The following NAV2 variants were observed in gnomAD, a reference collection of about 807,000 sequenced individuals.
The protein encoded by NAV2 is neuron navigator 2.
In NAV2, 54 loss-of-function variants were observed where a neutral mutation model predicts 223.2. The ratio of observed to expected loss-of-function variants is 0.24; its 90% CI spans 0.19 to 0.30. The LOEUF is 0.30. NAV2 is among the 10% of genes least tolerant of loss of function. The pLI is 1.00. For missense variants in NAV2, 2,806 were observed against 3,147.5 expected (o/e 0.89, Z 2.60); for synonymous variants, 1,279 against 1,239.3 (o/e 1.03, Z -0.67).
chr11:19,399,372 G>C (rs1849592403), intron 1 of NAV2, among the ~76,000 whole-genome samples: 1 of 152,172 alleles, frequency 6.6e-6, no homozygotes, highest in Non-Finnish European at 1.5e-5. Flanking sequence ...AGTAATGCAG[G>C]CGCCTTCCTT....
chr11:19,777,803 C>T (rs1449134713), intron 1 of NAV2: 1 of 451,580 alleles, frequency 2.2e-6, no homozygotes, highest in Admixed American at 2.4e-5. Flanking sequence ...TCCTGGAGCT[C>T]TCTTGGATTG....
At chr11:19,484,348 C>T (rs893779949) in intron 1 of NAV2, among the ~76,000 whole-genome samples, 1 of 152,188 alleles carries the variant, frequency 6.6e-6, no homozygotes, top group Admixed American at 6.5e-5. Flanking sequence ...GGGAGGTCAC[C>T]TCCTCCAAGG....
chr11:19,501,331 A>C (rs1029570666), intron 1 of NAV2, among the ~76,000 whole-genome samples: 1 of 152,160 alleles, frequency 6.6e-6, no homozygotes, highest in African/African-American at 2.4e-5. Flanking sequence ...TTATCTTTGC[A>C]GGACCACTAT....
chr11:19,939,971 G>A (rs1591338065), intron 8 of NAV2, among the ~76,000 whole-genome samples, 198 bp downstream of exon 8: 2 of 146,984 alleles, frequency 1.4e-5, no homozygotes, highest in East Asian at 2.0e-4. Context: ...CCCTCTTACA[G>A]TTTCTTCCCT....
At chr11:20,031,511 A>G (rs1451375853) in intron 11 of NAV2, among the ~76,000 whole-genome samples, 2 of 152,210 alleles carry the variant, frequency 1.3e-5, no homozygotes, top group African/African-American at 4.8e-5. Flanking sequence ...ATGCCAAGTG[A>G]CAAAAAGCAA....
intron 19 of NAV2, among the ~76,000 whole-genome samples, chr11:20,058,267 A>T (rs1017743190): frequency 6.6e-6 from 1 of 152,218 alleles, no homozygotes; most frequent in Non-Finnish European, 1.5e-5. Flanking sequence ...CAGAATAGAA[A>T]TTTAGGAAGA....
Position 19,948,987 on chromosome 11 carries a change from T to C in NAV2, c.2552T>C (p.Met851Thr). The C allele has an allele frequency of 1.2e-6, 2 of 1,613,858 alleles. No individual in the cohort carries two copies. The highest frequency in any genetic ancestry group is 2.2e-5 in the South Asian group (2 of 91,074). Residue 851 changes from methionine to threonine, a missense_variant, in exon 10 of 38, where the codon ATG becomes ACG. Physicochemically the swap from Met to Thr is moderately conservative, Grantham distance 81. Coordinates refer to ENST00000349880, the MANE Select transcript of NAV2 (RefSeq NM_145117.5). ...VDVSDKAGDEMDLEGISMDAP... is the reference protein window; with the variant it reads ...VDVSDKAGDETDLEGISMDAP... ...GTCTCAGACAAGGCAGGAGATGAGATGGACCTGGAAGGCATCAGCATGGAT... is the reference window on the plus strand; with the variant it reads ...GTCTCAGACAAGGCAGGAGATGAGACGGACCTGGAAGGCATCAGCATGGAT...
chr11:19,881,052 T>C (rs2063173545), intron 5 of NAV2, among the ~76,000 whole-genome samples: 1 of 152,214 alleles, frequency 6.6e-6, no homozygotes. Context: ...CCAGCATTAA[T>C]AATCATAAGG....
chr11:19,382,478 C>T (rs1848880528), intron 1 of NAV2, among the ~76,000 whole-genome samples: 1 of 152,162 alleles, frequency 6.6e-6, no homozygotes, highest in African/African-American at 2.4e-5. Flanking sequence ...CAGCTCGCTC[C>T]AGCCAGATGC....
chr11:20,083,216 C>G (rs763338994), intron 26 of NAV2, 37 bp downstream of exon 26: 1 of 1,556,222 alleles, frequency 6.4e-7, no homozygotes, highest in Non-Finnish European at 8.8e-7. Context: ...CATCTTTGGC[C>G]CCTGAGAACC....
At chr11:19,834,915 T>C (rs1212577535) in intron 2 of NAV2, among the ~76,000 whole-genome samples, 1 of 152,140 alleles carries the variant, frequency 6.6e-6, no homozygotes, top group Non-Finnish European at 1.5e-5. Context: ...TGACATAAGT[T>C]TGAAATCTAT....
intron 1 of NAV2, among the ~76,000 whole-genome samples, chr11:19,516,871 A>G (rs544000161): frequency 1.1e-3 from 169 of 152,256 alleles, no homozygotes; most frequent in African/African-American, 3.9e-3. Context: ...CAGTGAACAA[A>G]CAAGAAAGAC....
At chr11:19,987,263 A>T (rs977300368) in intron 11 of NAV2, among the ~76,000 whole-genome samples, 1 of 152,248 alleles carries the variant, frequency 6.6e-6, no homozygotes, top group Non-Finnish European at 1.5e-5. Flanking sequence ...TCTTTAAACA[A>T]CTTAGATAAT....
In NAV2 at chr11:20,083,101, T is replaced by C. The variant is rs774836461; in HGVS notation, c.5420T>C (p.Leu1807Ser). 3.7e-6 allele frequency: 6 copies of C among 1,614,056 alleles called. No homozygotes were observed. In the South Asian group the frequency reaches 4.4e-5, roughly 12 times the overall value. Residue 1807 changes from leucine (L) to serine (S), a missense_variant, in exon 26 of 38, where the codon TTG (leucine) becomes TCG (serine). Transcript: ENST00000349880. ...ATTGAGGAGATGACGGATTCTTCTT[T>C]GCCTTCCTCACCAAAGTTACCGCAC... ...SDIEEMTDSS[L>S]PSSPKLPHNG...
intron 11 of NAV2, 75 bp from the exon 12 acceptor site, chr11:20,035,884 T>C (rs1412361029): frequency 6.4e-7 from 1 of 1,571,128 alleles, no homozygotes; most frequent in Non-Finnish European, 8.7e-7. Flanking sequence ...GGATGGTGTT[T>C]GTCTGTCTGT....
chr11:19,845,778 A>G (rs900138507), intron 3 of NAV2, among the ~76,000 whole-genome samples: 12 of 152,208 alleles, frequency 7.9e-5, no homozygotes, highest in Admixed American at 5.9e-4. Context: ...AAAAGCAGAC[A>G]TTTGTGGAAT....
chr11:19,457,399 G>A (rs1851993025), intron 1 of NAV2, among the ~76,000 whole-genome samples: 1 of 152,200 alleles, frequency 6.6e-6, no homozygotes, highest in South Asian at 2.1e-4. Flanking sequence ...ACGCAGAGGG[G>A]ACAGCAAGTG....
intron 1 of NAV2, among the ~76,000 whole-genome samples, chr11:19,550,591 G>A (rs1172036113): frequency 2.6e-5 from 4 of 152,322 alleles, no homozygotes; most frequent in Non-Finnish European, 5.9e-5. Flanking sequence ...TACAAGGAAA[G>A]GGACTGTGTA....
At chr11:19,954,386 A>G (rs1220249579) in intron 10 of NAV2, among the ~76,000 whole-genome samples, 1 of 152,142 alleles carries the variant, frequency 6.6e-6, no homozygotes, top group Non-Finnish European at 1.5e-5. Context: ...TCAGAAATTG[A>G]GGAACTCATT....
Sources: allele counts gnomAD v4.1 joint callset (sites outside exome capture counted in the v4.1 genomes callset), GRCh38; gene constraint gnomAD v4.1.1; transcripts MANE v1.5; gene names NCBI Gene and HGNC (gene_info 2026-07-23, HGNC 2026-07-21).